YIPF4: variants seen among roughly 807,000 people sequenced by gnomAD.
The protein encoded by YIPF4 is Yip1 domain family member 4.
Under a neutral mutation model 29.4 loss-of-function variants are expected in YIPF4, and 18 were observed. The observed-to-expected ratio is 0.61, with a 90% CI of 0.42 to 0.91. The LOEUF is 0.91. YIPF4 is among the 40% of genes least tolerant of loss of function. YIPF4 has a pLI of 0.00. For missense variants in YIPF4, 279 were observed against 282.7 expected (o/e 0.99, Z 0.09); for synonymous variants, 115 against 104.7 (o/e 1.10, Z -0.60).
Position 32,309,566 on chromosome 2 carries a change from G to C in YIPF4, c.*3940G>C, listed in dbSNP as rs917758523. 1.3e-5 allele frequency: 2 copies of C among 151,794 alleles called. No homozygotes were observed. The highest frequency in any genetic ancestry group is 2.4e-5 in the African/African-American group (1 of 41,312). 9.4% of individuals were successfully genotyped at this position (151,794 alleles called of 1,614,324 possible). ...GTAACAAAATGTTGAATGAAATAAT[G>C]CTTCTACAACTTAAAATTATTTTTC... On this transcript the variant is annotated 3_prime_UTR_variant, in exon 6 of 6. Transcript: ENST00000238831.
rs1364860918 is a variant in YIPF4 at position 32,294,889 on chromosome 2, AC to A, written c.405+2545del. On this transcript the variant is annotated intron_variant, in intron 3 of 5. Coordinates refer to ENST00000238831, the MANE Select transcript of YIPF4 (RefSeq NM_032312.4). ...AGACCAGCCCGGCCAACACAGCGAA[AC>A]CCCGTCTCCACCAAAAAAATACAAA... Among the ~76,000 whole-genome samples the A allele has an allele frequency of 7.9e-5, 12 of 152,028 alleles. No homozygotes were observed. The East Asian group carries it at 1.9e-3, about 25-fold the overall frequency.
In YIPF4 at chr2:32,306,636, T is replaced by C. The variant is rs2031589837; in HGVS notation, c.*1010T>C. On this transcript the variant is annotated 3_prime_UTR_variant, in exon 6 of 6. Coordinates refer to ENST00000238831, the MANE Select transcript of YIPF4 (RefSeq NM_032312.4). ...ATTTTAACAAGTATCAGGTACTCTC[T>C]AACAAATGTACAGTTTTTGCTAAGG... The C allele has an allele frequency of 4.8e-5, 47 of 974,026 alleles. No homozygotes were observed. Among genetic ancestry groups the C allele is most frequent in the Non-Finnish European group, 5.7e-5 (47 of 819,684 alleles). The allele number at this position is 974,026 out of a possible 1,614,324, so 60.3% of individuals were successfully genotyped here.
intron 1 of YIPF4, among the ~76,000 whole-genome samples, chr2:32,286,935 C>G (rs939587364): frequency 6.6e-6 from 1 of 152,128 alleles, no homozygotes; most frequent in East Asian, 1.9e-4. Context: ...TTTCATAGGC[C>G]TATGTATACA....
chr2:32,284,611 G>C (rs2030575328), intron 1 of YIPF4, among the ~76,000 whole-genome samples: 1 of 152,176 alleles, frequency 6.6e-6, no homozygotes, highest in Admixed American at 6.5e-5. Context: ...ACCCAGCCAT[G>C]CTTCCTGTAG....
intron 1 of YIPF4, among the ~76,000 whole-genome samples, chr2:32,289,257 A>G (rs1452529364): frequency 6.6e-6 from 1 of 152,202 alleles, no homozygotes; most frequent in Non-Finnish European, 1.5e-5. Context: ...AACATGAATG[A>G]TTTGCTGTAT....
chr2:32,307,651 G>A lies in YIPF4; in HGVS notation c.*2025G>A, dbSNP rs1192624284. The A allele has an allele frequency of 6.6e-6, 1 of 152,472 alleles. No homozygotes were observed. The highest frequency in any genetic ancestry group is 1.5e-5 in the Non-Finnish European group (1 of 68,276). 9.4% of individuals were successfully genotyped at this position (152,472 alleles called of 1,614,324 possible). A position where few individuals can be genotyped will look rare whatever the true frequency, so the allele number is the denominator to read the frequency against. On this transcript the variant is annotated 3_prime_UTR_variant, in exon 6 of 6. Transcript: ENST00000238831. ...GTTTAAAAACAGGATTTGTAGGCCAGGCACAGTGGCTCACGCCTGTAATCC... is the reference window on the plus strand; with the variant it reads ...GTTTAAAAACAGGATTTGTAGGCCAAGCACAGTGGCTCACGCCTGTAATCC...
intron 4 of YIPF4, among the ~76,000 whole-genome samples, chr2:32,298,990 G>A: frequency 6.6e-6 from 1 of 152,040 alleles, no homozygotes; most frequent in South Asian, 2.1e-4. Flanking sequence ...CGATTCTCCT[G>A]CCTTAGCCTC....
chr2:32,280,133 A>ATTT (rs1423096620), intron 1 of YIPF4, among the ~76,000 whole-genome samples: 2 of 146,380 alleles, frequency 1.4e-5, no homozygotes, highest in African/African-American at 5.1e-5. Context: ...ATATATATAT[A>ATTT]TATTTTTTTT....
At chr2:32,293,037 A>ATTATTT (rs562362572) in intron 3 of YIPF4, among the ~76,000 whole-genome samples, 1 of 149,936 alleles carries the variant, frequency 6.7e-6, no homozygotes, top group Non-Finnish European at 1.5e-5. Flanking sequence ...CTTTTTTTTG[A>ATTATTT]TTATTTTTAT....
chr2:32,294,702 A>G (rs113421817), intron 3 of YIPF4, among the ~76,000 whole-genome samples: 5,949 of 152,214 alleles, frequency 0.039, 246 homozygotes, highest in African/African-American at 0.11. Flanking sequence ...GCACTTTGGG[A>G]GGCCAAGGCA....
At chr2:32,299,268 A>G (rs769168698) in intron 4 of YIPF4, among the ~76,000 whole-genome samples, 1 of 152,238 alleles carries the variant, frequency 6.6e-6, no homozygotes, top group African/African-American at 2.4e-5. Flanking sequence ...TAAACAATAC[A>G]TTTAAAGAAA....
intron 1 of YIPF4, among the ~76,000 whole-genome samples, chr2:32,285,073 A>C (rs2030607947): frequency 1.3e-5 from 2 of 152,202 alleles, no homozygotes; most frequent in South Asian, 4.1e-4. Flanking sequence ...GTACACCATT[A>C]TAATCATGCA....
At chr2:32,304,595 G>C (rs1025166749) in intron 5 of YIPF4, among the ~76,000 whole-genome samples, 1 of 152,184 alleles carries the variant, frequency 6.6e-6, no homozygotes, top group African/African-American at 2.4e-5. Context: ...AGTGTGACTA[G>C]TATATAGTGT....
At position 32,314,693 on chromosome 2, in the gene YIPF4, A is replaced by C. The variant is rs574840610; in HGVS notation, c.*9067A>C. 1 of 152,184 alleles carries C rather than the reference A, an allele frequency of 6.6e-6. No homozygotes were observed. Among genetic ancestry groups the C allele is most frequent in the African/African-American group, 2.4e-5 (1 of 41,426 alleles). 9.4% of individuals were successfully genotyped at this position (152,184 alleles called of 1,614,324 possible). ...CGTCTCAAAAAAAAATAAAAAAATA[A>C]GGCTCCAAGCGCTGTTGTGAGGGTT... On this transcript the variant is annotated 3_prime_UTR_variant, in exon 6 of 6. Coordinates refer to ENST00000238831, the MANE Select transcript of YIPF4 (RefSeq NM_032312.4).
chr2:32,291,175 G>T (rs1419374332), intron 2 of YIPF4, among the ~76,000 whole-genome samples: 1 of 152,210 alleles, frequency 6.6e-6, no homozygotes, highest in African/African-American at 2.4e-5. Flanking sequence ...GGCATTTCCA[G>T]ATTCTTCTTT....
chr2:32,279,394 C>CTTTTTTTT (rs35036420), intron 1 of YIPF4, among the ~76,000 whole-genome samples: 7 of 98,754 alleles, frequency 7.1e-5, no homozygotes, highest in Admixed American at 2.6e-4. Context: ...CTAGATTTTC[C>CTTTTTTTT]TTTTTTTTTT....
At chr2:32,282,697 G>A (rs1463871722) in intron 1 of YIPF4, among the ~76,000 whole-genome samples, 2 of 152,066 alleles carry the variant, frequency 1.3e-5, no homozygotes, top group Non-Finnish European at 2.9e-5. Flanking sequence ...TTCCCAAAGT[G>A]CTGGGATTAC....
rs1256175394 is a variant in YIPF4 at position 32,309,225 on chromosome 2, C to T, written c.*3599C>T. 1 of 152,070 alleles carries T rather than the reference C, an allele frequency of 6.6e-6. No individual in the cohort carries two copies. Among genetic ancestry groups the T allele is most frequent in the Non-Finnish European group, 1.5e-5 (1 of 68,010 alleles). The allele number at this position is 152,070 out of a possible 1,614,324, so 9.4% of individuals were successfully genotyped here. ...TCATACAGCCATTGAGCACCCCAAT[C>T]CAAAATTCAGAATGCTTCAGATAAG... On this transcript the variant is annotated 3_prime_UTR_variant, in exon 6 of 6. Coordinates refer to ENST00000238831, the MANE Select transcript of YIPF4 (RefSeq NM_032312.4).
Position 32,306,690 on chromosome 2 carries a change from A to C in YIPF4, c.*1064A>C, listed in dbSNP as rs2031592208. ...ATATTAAGAAATTTTTATCAGTGAAATATTTGTTGCAAATAATTTCATAGG... is the reference window on the plus strand; with the variant it reads ...ATATTAAGAAATTTTTATCAGTGAACTATTTGTTGCAAATAATTTCATAGG... On this transcript the variant is annotated 3_prime_UTR_variant, in exon 6 of 6. Coordinates refer to ENST00000238831, the MANE Select transcript of YIPF4 (RefSeq NM_032312.4). 1 of 761,256 alleles carries C rather than the reference A, an allele frequency of 1.3e-6. No individual in the cohort carries two copies. The highest frequency in any genetic ancestry group is 1.9e-5 in the African/African-American group (1 of 52,586). The allele number at this position is 761,256 out of a possible 1,614,324, so 47.2% of individuals were successfully genotyped here.
Sources: gnomAD v4.1 joint callset for allele counts (sites outside exome capture counted in the v4.1 genomes callset) on GRCh38, gnomAD v4.1.1 for gene constraint, MANE v1.5 for transcripts, NCBI Gene and HGNC (gene_info 2026-07-23, HGNC 2026-07-21) for gene names.